The following LGALS9 variants were observed in gnomAD, a reference collection of about 807,000 sequenced individuals.
LGALS9 encodes the protein galectin-9.
LGALS9 carries 26 observed loss-of-function variants against 35.9 expected under a neutral mutation model. The observed-to-expected ratio is 0.72, with a 90% CI of 0.53 to 1.01. LGALS9 has a LOEUF of 1.01. Ranked by LOEUF, LGALS9 falls within the 50% of genes least tolerant of loss-of-function variation. The pLI is 0.00. For synonymous variants in LGALS9, 149 were observed against 172.2 expected (o/e 0.87, Z 1.06); for missense variants, 347 against 445.8 (o/e 0.78, Z 1.99).
intron 1 of LGALS9, among the ~76,000 whole-genome samples, chr17:27,637,651 C>CT (rs566912493): frequency 2.6e-4 from 40 of 152,338 alleles, no homozygotes; most frequent in Non-Finnish European, 4.6e-4. Flanking sequence ...CAGAAGGCAT[C>CT]TGGGAAGACG....
rs1184486563 is a variant in LGALS9 at position 27,640,860 on chromosome 17, C to T, written c.333+87C>T. The T allele has an allele frequency of 1.4e-5, 22 of 1,565,214 alleles. No homozygotes were observed. In the Middle Eastern group the frequency reaches 8.4e-4, roughly 60 times the overall value. ...GCCTTTAAGTAATCACCTAAATTGA[C>T]ATTCAGCCAGAGTGACACCACTATA... On this transcript the variant is annotated intron_variant, in intron 3 of 10. Coordinates refer to ENST00000395473, the MANE Select transcript of LGALS9 (RefSeq NM_009587.3).
chr17:27,638,699 C>T, intron 2 of LGALS9: 1 of 369,820 alleles, frequency 2.7e-6, no homozygotes, highest in Non-Finnish European at 5.2e-6. Flanking sequence ...CCCGTAACTG[C>T]TCTCATCCAC....
At position 27,642,293 on chromosome 17, in the gene LGALS9, G is replaced by A. The variant is rs777812677; in HGVS notation, c.389G>A (p.Arg130His). Reference protein sequence around the residue: ...VQYFHRVPFHRVDTISVNGSV... With the variant: ...VQYFHRVPFHHVDTISVNGSV... ...TACTTCCACCGCGTGCCCTTCCACC[G>A]TGTGGACACCATCTCCGTCAATGGC... is the stretch of plus-strand genomic sequence containing the variant. The change falls in exon 4 of 11, where the codon CGT becomes CAT. Residue 130 changes from arginine to histidine, a missense_variant. Arg to His is a conservative substitution (Grantham distance 29, BLOSUM62 0). Transcript: ENST00000395473. 3.0e-5 allele frequency: 48 copies of A among 1,612,556 alleles called. No individual in the cohort carries two copies. The Admixed American group carries it at 4.7e-4, about 16-fold the overall frequency.
At position 27,647,766 on chromosome 17, in the gene LGALS9, G is replaced by A. The variant is rs58265015; in HGVS notation, c.921+334G>A. On this transcript the variant is annotated intron_variant, in intron 10 of 10. Transcript: ENST00000395473. ...ACCATTTTCTTGTCGCCTGCTTTGCGCAGGAAGCACCCCACATGCTGGGGG... is the reference window on the plus strand; with the variant it reads ...ACCATTTTCTTGTCGCCTGCTTTGCACAGGAAGCACCCCACATGCTGGGGG... Among the ~76,000 whole-genome samples the A allele has an allele frequency of 5.6e-3, 853 of 152,304 alleles. 14 individuals carry two copies. Among genetic ancestry groups the A allele is most frequent in the African/African-American group, 0.02 (817 of 41,554 alleles).
chr17:27,634,901 T>C (rs1365370170), intron 1 of LGALS9, among the ~76,000 whole-genome samples: 16 of 152,232 alleles, frequency 1.1e-4, no homozygotes, highest in South Asian at 4.1e-4. Flanking sequence ...AATAAATAAA[T>C]GCAAGTCCAT....
chr17:27,636,636 T>C (rs1227089995), intron 1 of LGALS9, among the ~76,000 whole-genome samples: 1 of 148,804 alleles, frequency 6.7e-6, no homozygotes, highest in Non-Finnish European at 1.5e-5. Context: ...CACCTAGCTA[T>C]TTTTTTTTTA....
chr17:27,646,369 G>A (rs866586252), intron 7 of LGALS9, among the ~76,000 whole-genome samples, 178 bp from the exon 8 acceptor site: 2 of 152,182 alleles, frequency 1.3e-5, no homozygotes, highest in Admixed American at 6.5e-5. Flanking sequence ...CTGGGAACAC[G>A]GCAGGAAGTT....
intron 2 of LGALS9, among the ~76,000 whole-genome samples, chr17:27,639,550 T>C (rs1446793243): frequency 6.6e-6 from 1 of 152,122 alleles, no homozygotes; most frequent in Non-Finnish European, 1.5e-5. Flanking sequence ...AAATGCAATC[T>C]TCTCCATTTA....
chr17:27,633,801 C>T (rs1408436953), intron 1 of LGALS9, among the ~76,000 whole-genome samples: 5 of 152,238 alleles, frequency 3.3e-5, no homozygotes, highest in Admixed American at 6.5e-5. Context: ...AGGGGCTCAG[C>T]ACACAGCGTT....
intron 10 of LGALS9, 80 bp from the exon 11 acceptor site, chr17:27,648,756 T>C: frequency 6.9e-7 from 1 of 1,456,976 alleles, no homozygotes; most frequent in South Asian, 1.2e-5. Flanking sequence ...GGAGGGAGGG[T>C]GGGAGGGAGG....
In LGALS9 at chr17:27,647,135, A is replaced by G. The variant is rs758393434; in HGVS notation, c.758+17A>G. The G allele has an allele frequency of 2.5e-6, 4 of 1,614,110 alleles. No homozygotes were observed. On this transcript the variant is annotated intron_variant, in intron 9 of 10. Coordinates refer to ENST00000395473, the MANE Select transcript of LGALS9 (RefSeq NM_009587.3). Reference sequence around the variant, plus strand: ...TGCTCAGAGGTAAGCCAAGGGCTCCAGTGACCTCTGGGAAGAGAGAGCCCT... The same window carrying G: ...TGCTCAGAGGTAAGCCAAGGGCTCCGGTGACCTCTGGGAAGAGAGAGCCCT...
intron 8 of LGALS9, 82 bp from the exon 9 acceptor site, chr17:27,646,948 C>A: frequency 6.3e-7 from 1 of 1,590,398 alleles, no homozygotes; most frequent in South Asian, 1.1e-5. Flanking sequence ...GGCTTCTTCT[C>A]AGCTGACAGC....
At chr17:27,631,455 C>G in intron 1 of LGALS9, 151 bp downstream of exon 1, 1 of 1,060,928 alleles carries the variant, frequency 9.4e-7, no homozygotes, top group Non-Finnish European at 1.4e-6. Context: ...GGAGGTCATC[C>G]TGGCACACCT....
chr17:27,634,596 A>C (rs2074424300), intron 1 of LGALS9, among the ~76,000 whole-genome samples: 1 of 152,064 alleles, frequency 6.6e-6, no homozygotes, highest in Non-Finnish European at 1.5e-5. Context: ...AAAACCCCCC[A>C]AAAACGCAAA....
chr17:27,635,442 CTAAATAAATAAATAAATAAA>C (rs67262429), intron 1 of LGALS9, among the ~76,000 whole-genome samples: 113 of 140,486 alleles, frequency 8.0e-4, no homozygotes, highest in Non-Finnish European at 1.4e-3. Context: ...GAACCCATCT[CTAAATAAATAAATAAATAAA>C]TAAATAAATA....
chr17:27,634,065 C>T (rs2074417906), intron 1 of LGALS9, among the ~76,000 whole-genome samples: 1 of 152,248 alleles, frequency 6.6e-6, no homozygotes, highest in Admixed American at 6.5e-5. Flanking sequence ...TCCACAGCAG[C>T]CTTGGCTGGC....
At chr17:27,632,182 G>C (rs1394213865) in intron 1 of LGALS9, among the ~76,000 whole-genome samples, 1 of 150,266 alleles carries the variant, frequency 6.7e-6, no homozygotes. Context: ...GCCGGCTCCT[G>C]TCATAGGATC....
intron 2 of LGALS9, among the ~76,000 whole-genome samples, chr17:27,640,132 C>A (rs370579794): frequency 5.9e-5 from 9 of 152,132 alleles, no homozygotes; most frequent in Non-Finnish European, 8.8e-5. Flanking sequence ...TTGGCCTCTG[C>A]GCCCAGCCCC....
At chr17:27,632,662 ATAT>A (rs920565791) in intron 1 of LGALS9, among the ~76,000 whole-genome samples, 12 of 152,216 alleles carry the variant, frequency 7.9e-5, no homozygotes, top group East Asian at 1.9e-4. Flanking sequence ...AGGTTCTGAC[ATAT>A]TATTATTCTG....
Sources: gnomAD v4.1 joint callset for allele counts (sites outside exome capture counted in the v4.1 genomes callset) on GRCh38, gnomAD v4.1.1 for gene constraint, MANE v1.5 for transcripts, NCBI Gene and HGNC (gene_info 2026-07-23, HGNC 2026-07-21) for gene names.